The following SORBS2 variants were observed in gnomAD, a reference collection of about 807,000 sequenced individuals.
SORBS2 encodes sorbin and SH3 domain-containing protein 2.
In SORBS2, 46 loss-of-function variants were observed where a neutral mutation model predicts 97.7. The observed-to-expected ratio is 0.47, with a 90% CI of 0.37 to 0.60. The LOEUF is 0.60. Ranked by LOEUF, SORBS2 falls within the 20% of genes least tolerant of loss-of-function variation. The pLI is 0.00. For missense variants in SORBS2, 1,316 were observed against 1,282.3 expected (o/e 1.03, Z -0.40); for synonymous variants, 476 against 473.4 (o/e 1.01, Z -0.07).
At chr4:185,787,617 A>G in intron 1 of SORBS2, among the ~76,000 whole-genome samples, 1 of 152,174 alleles carries the variant, frequency 6.6e-6, no homozygotes. Flanking sequence ...GTTTTTATAT[A>G]AAATTCAGGT....
At chr4:185,834,825 G>A (rs2099207112) in intron 1 of SORBS2, among the ~76,000 whole-genome samples, 1 of 152,116 alleles carries the variant, frequency 6.6e-6, no homozygotes, top group African/African-American at 2.4e-5. Context: ...TTCCAAAGAT[G>A]TTTATAAGTC....
intron 1 of SORBS2, among the ~76,000 whole-genome samples, chr4:185,654,362 C>G (rs895447699): frequency 6.6e-6 from 1 of 152,210 alleles, no homozygotes; most frequent in African/African-American, 2.4e-5. Flanking sequence ...ACCAAAGCAA[C>G]AGAAAATACA....
intron 5 of SORBS2, among the ~76,000 whole-genome samples, chr4:185,628,902 C>T (rs140843786): frequency 1.3e-5 from 2 of 152,254 alleles, no homozygotes; most frequent in Non-Finnish European, 2.9e-5. Flanking sequence ...CATTTAAGAC[C>T]AATGTTAATG....
At chr4:185,891,699 G>T (rs927774193) in intron 1 of SORBS2, among the ~76,000 whole-genome samples, 1 of 152,176 alleles carries the variant, frequency 6.6e-6, no homozygotes, top group African/African-American at 2.4e-5. Context: ...TTTTGGCAGA[G>T]ATTGATTTGA....
intron 2 of SORBS2, among the ~76,000 whole-genome samples, chr4:185,712,835 G>A (rs1419694324): frequency 6.6e-6 from 1 of 152,310 alleles, no homozygotes; most frequent in East Asian, 1.9e-4. Flanking sequence ...CGCAAGTGCC[G>A]TGAAGGGGTC....
At chr4:185,835,304 A>G (rs180861667) in intron 1 of SORBS2, among the ~76,000 whole-genome samples, 2 of 152,340 alleles carry the variant, frequency 1.3e-5, no homozygotes, top group East Asian at 3.9e-4. Flanking sequence ...ATTTTTAATC[A>G]TTTTATGAGA....
intron 1 of SORBS2, among the ~76,000 whole-genome samples, chr4:185,653,389 C>A (rs960158449): frequency 6.6e-6 from 1 of 152,090 alleles, no homozygotes; most frequent in East Asian, 1.9e-4. Context: ...CGGATCCAGG[C>A]GTCGGACATG....
At chr4:185,753,370 A>T (rs1164259676) in intron 2 of SORBS2, among the ~76,000 whole-genome samples, 2 of 152,230 alleles carry the variant, frequency 1.3e-5, no homozygotes, top group African/African-American at 4.8e-5. Context: ...TTGCATAAGG[A>T]TTCAATGCAA....
chr4:185,811,539 G>C (rs1249520303), intron 1 of SORBS2, 125 bp downstream of exon 1: 1 of 152,324 alleles, frequency 6.6e-6, no homozygotes, highest in Admixed American at 6.5e-5. Flanking sequence ...GTGTATGCGT[G>C]TGTGTATGTG....
chr4:185,751,190 A>AAAAAAAAAAAAAAAAAAGAG lies in SORBS2; in HGVS notation c.-198+24036_-198+24037insCTCTTTTTTTTTTTTTTTTT. On this transcript the variant is annotated intron_variant, in intron 2 of 20. Coordinates refer to the SORBS2 transcript ENST00000284776. ...TAAATACTAAAAAAAAAAAAAAAAA[A>AAAAAAAAAAAAAAAAAAGAG]AGAGAAAGAGAGAGAAATTCAGGAA... Among the ~76,000 whole-genome samples, 67 of 86,460 alleles carry AAAAAAAAAAAAAAAAAAGAG rather than the reference A, an allele frequency of 7.7e-4. 4 individuals are homozygous for AAAAAAAAAAAAAAAAAAGAG. Among genetic ancestry groups the AAAAAAAAAAAAAAAAAAGAG allele is most frequent in the Middle Eastern group, 6.7e-3 (1 of 150 alleles). The allele number at this position is 86,460 out of a possible 152,430, so 56.7% of individuals were successfully genotyped here.
intron 3 of SORBS2, among the ~76,000 whole-genome samples, chr4:185,647,636 G>A (rs550403210): frequency 5.3e-5 from 8 of 152,050 alleles, no homozygotes; most frequent in South Asian, 2.1e-4. Context: ...TCCATGGCCC[G>A]TTGGAAATAG....
At chr4:185,846,273 A>G (rs561311669) in intron 1 of SORBS2, among the ~76,000 whole-genome samples, 2 of 152,352 alleles carry the variant, frequency 1.3e-5, no homozygotes, top group East Asian at 3.9e-4. Flanking sequence ...CAAATGCATC[A>G]TGCCAGTGAA....
intron 2 of SORBS2, among the ~76,000 whole-genome samples, chr4:185,682,769 C>T (rs11932634): frequency 0.022 from 3,412 of 151,956 alleles, 133 homozygotes; most frequent in African/African-American, 0.079. Flanking sequence ...CCAGCACTTT[C>T]GGAGGCTGAG....
intron 1 of SORBS2, among the ~76,000 whole-genome samples, chr4:185,937,716 G>A (rs538589189): frequency 2.0e-5 from 3 of 152,134 alleles, no homozygotes; most frequent in East Asian, 3.9e-4. Context: ...GTGGAGGGGA[G>A]GGGGAAATGA....
intron 1 of SORBS2, among the ~76,000 whole-genome samples, chr4:185,884,126 C>G (rs1189524050): frequency 1.3e-5 from 2 of 152,134 alleles, no homozygotes; most frequent in African/African-American, 4.8e-5. Flanking sequence ...GTTTACATGA[C>G]TGTATTTGTC....
At chr4:185,765,496 C>A (rs1325147594) in intron 2 of SORBS2, among the ~76,000 whole-genome samples, 1 of 152,058 alleles carries the variant, frequency 6.6e-6, no homozygotes, top group Non-Finnish European at 1.5e-5. Context: ...ATCCAAAATA[C>A]ATAAAAAATT....
chr4:185,589,595 G>T (rs1382586367), intron 14 of SORBS2, 84 bp downstream of exon 26: 1 of 781,252 alleles, frequency 1.3e-6, no homozygotes, highest in Admixed American at 1.8e-5. Context: ...AAGGAAGCTC[G>T]GCCATCACAG....
chr4:185,624,141 A>T, exon 7 of SORBS2: 3 of 1,614,154 alleles, frequency 1.9e-6, no homozygotes, highest in Non-Finnish European at 2.5e-6. Context: ...TCCGGGACGT[A>T]GGGGGACCCC....
intron 2 of SORBS2, among the ~76,000 whole-genome samples, chr4:185,746,975 G>A (rs748045339): frequency 6.6e-6 from 1 of 152,152 alleles, no homozygotes; most frequent in Non-Finnish European, 1.5e-5. Flanking sequence ...ATTAGGGTGG[G>A]CCTTAATCCA....
Sources: allele counts gnomAD v4.1 joint callset (sites outside exome capture counted in the v4.1 genomes callset), GRCh38; gene constraint gnomAD v4.1.1; transcripts MANE v1.5; gene names NCBI Gene and HGNC (gene_info 2026-07-23, HGNC 2026-07-21).